CEP170: variants seen among roughly 807,000 people sequenced by gnomAD.
CEP170 encodes centrosomal protein of 170 kDa.
In CEP170, 21 loss-of-function variants were observed where a neutral mutation model predicts 151.9. The ratio of observed to expected loss-of-function variants is 0.14; its 90% confidence interval spans 0.10 to 0.20. The LOEUF (loss-of-function observed/expected upper bound fraction) is 0.20, where lower values mean the gene tolerates loss of function less well. Among genes scored for constraint, CEP170 ranks in the 10% least tolerant of loss-of-function variants. CEP170 has a pLI of 1.00. For missense variants in CEP170, 964 were observed against 1,892.9 expected, an observed-to-expected ratio of 0.51 and a Z score of 9.11; for synonymous variants, 356 against 648.8, an observed-to-expected ratio of 0.55 and a Z score of 6.86.
chr1:243,246,533 G>A (rs2065419117), intron 1 of CEP170, among the ~76,000 whole-genome samples: 1 of 152,058 alleles, frequency 6.6e-6, no homozygotes, highest in South Asian at 2.1e-4. Flanking sequence ...GGCCCGGCCT[G>A]TTGTTTACAA....
intron 4 of CEP170, among the ~76,000 whole-genome samples, chr1:243,208,758 C>T (rs941538881): frequency 4.6e-5 from 7 of 151,996 alleles, no homozygotes; most frequent in Non-Finnish European, 8.8e-5. Flanking sequence ...TAGAACTTAC[C>T]ATCCTCTAAT....
intron 6 of CEP170, among the ~76,000 whole-genome samples, 181 bp from the exon 7 acceptor site, chr1:243,199,375 G>T (rs1379641970): frequency 6.6e-6 from 1 of 152,088 alleles, no homozygotes; most frequent in Non-Finnish European, 1.5e-5. Flanking sequence ...TACAATGTTG[G>T]ACATGACTAA....
chr1:243,138,114 T>C (rs2055354048), intron 16 of CEP170, among the ~76,000 whole-genome samples: 1 of 152,206 alleles, frequency 6.6e-6, no homozygotes, highest in African/African-American at 2.4e-5. Context: ...TTTAGTTTGT[T>C]GTCACAAAGT....
chr1:243,187,698 G>T (rs1323883834), intron 8 of CEP170, among the ~76,000 whole-genome samples: 1 of 152,164 alleles, frequency 6.6e-6, no homozygotes, highest in Admixed American at 6.5e-5. Context: ...GAGTGTTAAT[G>T]TTTATAGGTT....
intron 14 of CEP170, among the ~76,000 whole-genome samples, chr1:243,155,919 G>A (rs1235176449): frequency 6.6e-6 from 1 of 151,834 alleles, no homozygotes; most frequent in Non-Finnish European, 1.5e-5. Context: ...ATCTGATACT[G>A]CCTACCTTTC....
chr1:243,232,837 T>C (rs1339622063), intron 1 of CEP170, among the ~76,000 whole-genome samples: 1 of 152,246 alleles, frequency 6.6e-6, no homozygotes, highest in Non-Finnish European at 1.5e-5. Flanking sequence ...GGTATCATTC[T>C]AAACCAGCAC....
intron 7 of CEP170, among the ~76,000 whole-genome samples, chr1:243,195,698 TA>T (rs1450803455): frequency 6.6e-6 from 1 of 152,118 alleles, no homozygotes; most frequent in Non-Finnish European, 1.5e-5. Context: ...TTTAAGTTTT[TA>T]AAAATACCTT....
intron 7 of CEP170, among the ~76,000 whole-genome samples, chr1:243,191,870 G>C (rs2060327695): frequency 1.3e-5 from 2 of 152,098 alleles, no homozygotes; most frequent in South Asian, 4.2e-4. Context: ...TATAAAAAGT[G>C]ACAGAAAAAC....
chr1:243,189,472 C>T (rs1020240610), intron 8 of CEP170, among the ~76,000 whole-genome samples: 2 of 149,926 alleles, frequency 1.3e-5, no homozygotes, highest in Admixed American at 6.7e-5. Context: ...AGGAGAATCG[C>T]GTGAACCCAG....
chr1:243,188,333 G>A (rs1304649145), intron 8 of CEP170, among the ~76,000 whole-genome samples: 1 of 152,088 alleles, frequency 6.6e-6, no homozygotes, highest in African/African-American at 2.4e-5. Flanking sequence ...GGCACTTAGT[G>A]GTGTCAGGCC....
chr1:243,247,175 T>C (rs2065482908), intron 1 of CEP170, among the ~76,000 whole-genome samples: 1 of 152,126 alleles, frequency 6.6e-6, no homozygotes, highest in Non-Finnish European at 1.5e-5. Context: ...TTGAACACTT[T>C]CCAGAAAAAA....
At chr1:243,229,415 T>C (rs781327166) in intron 1 of CEP170, among the ~76,000 whole-genome samples, 1 of 150,860 alleles carries the variant, frequency 6.6e-6, no homozygotes, top group Non-Finnish European at 1.5e-5. Context: ...GGTATCCTGC[T>C]TGTAAGGAGG....
Position 243,191,236 on chromosome 1 carries a change from T to C in CEP170, c.890A>G (p.His297Arg), listed in dbSNP as rs377096029. The C allele has an allele frequency of 3.7e-5, 60 of 1,609,828 alleles. No homozygotes were observed. The African/African-American group carries it at 6.4e-4, about 17-fold the overall frequency. Residue 297 changes from histidine (H) to arginine (R), a missense_variant, in exon 8 of 20, where the codon CAT (histidine) becomes CGT (arginine). His to Arg is a conservative substitution (Grantham distance 29). Coordinates refer to ENST00000366542, the MANE Select transcript of CEP170 (RefSeq NM_014812.3). ...STPGKVTIRDHVTKFTSDQRH... is the reference protein window; with the variant it reads ...STPGKVTIRDRVTKFTSDQRH... ...CTGATCAGAAGTAAACTTTGTCACATGGTCTCTAATAGTTACCTTCCCTGG... is the reference window on the plus strand; with the variant it reads ...CTGATCAGAAGTAAACTTTGTCACACGGTCTCTAATAGTTACCTTCCCTGG...
intron 8 of CEP170, among the ~76,000 whole-genome samples, chr1:243,189,280 G>C (rs1373186214): frequency 6.6e-6 from 1 of 152,154 alleles, no homozygotes; most frequent in Non-Finnish European, 1.5e-5. Flanking sequence ...ATACAGGCCA[G>C]GCGCGGTGGC....
chr1:243,221,477 G>C, intron 3 of CEP170: 1 of 446,778 alleles, frequency 2.2e-6, no homozygotes, highest in Admixed American at 4.1e-5. Flanking sequence ...CCTTAAAGAA[G>C]TCTTCTTTAG....
chr1:243,173,715 G>A (rs1326105507), intron 10 of CEP170, among the ~76,000 whole-genome samples: 10 of 138,304 alleles, frequency 7.2e-5, no homozygotes, highest in African/African-American at 1.4e-4. Flanking sequence ...CAGCCTGGGC[G>A]AAAAAGTGAG....
chr1:243,131,581 T>G (rs2148191567), intron 17 of CEP170, among the ~76,000 whole-genome samples: 1 of 152,154 alleles, frequency 6.6e-6, no homozygotes, highest in Non-Finnish European at 1.5e-5. Context: ...TTTGGCATTA[T>G]GAAATAAACT....
intron 14 of CEP170, among the ~76,000 whole-genome samples, chr1:243,144,517 T>A (rs1385023132): frequency 6.6e-6 from 1 of 152,190 alleles, no homozygotes; most frequent in Non-Finnish European, 1.5e-5. Context: ...CCAAAATAAA[T>A]GAACTAGAAT....
chr1:243,177,670 G>C lies in CEP170; in HGVS notation c.1567-4824C>G, dbSNP rs190963371. On this transcript the variant is annotated intron_variant, in intron 10 of 19. Transcript: ENST00000366542. ...CCACTAGTGTCAAGGAACTAAATCA[G>C]GATGATTTAAGAGGGGAATTTATTT... is the stretch of plus-strand genomic sequence containing the variant. Among the ~76,000 whole-genome samples the C allele has an allele frequency of 2.1e-4, 32 of 152,156 alleles. No homozygotes were observed. The East Asian group carries it at 5.8e-3, about 28-fold the overall frequency.
Sources: gnomAD v4.1 joint callset for allele counts (sites outside exome capture counted in the v4.1 genomes callset) on GRCh38, gnomAD v4.1.1 for gene constraint, MANE v1.5 for transcripts, NCBI Gene and HGNC (gene_info 2026-07-23, HGNC 2026-07-21) for gene names.